Variants in ETV1 observed in about 807,000 individuals in gnomAD.
ETV1 encodes ETS translocation variant 1.
ETV1 carries 27 observed loss-of-function variants against 62.3 expected under a neutral mutation model. The ratio of observed to expected loss-of-function variants is 0.43; its 90% CI spans 0.32 to 0.60. The LOEUF (loss-of-function observed/expected upper bound fraction) is 0.60, where lower values mean the gene tolerates loss of function less well. Among genes scored for constraint, ETV1 ranks in the 20% least tolerant of loss-of-function variants. The pLI, the probability that ETV1 is intolerant of heterozygous loss-of-function variation, is 0.06. For synonymous variants in ETV1, 222 were observed against 199.6 expected (o/e 1.11, Z -0.94); for missense variants, 605 against 605.8 (o/e 1.00, Z 0.01).
chr7:13,933,982 C>T (rs1243890755), intron 8 of ETV1, among the ~76,000 whole-genome samples: 2 of 152,202 alleles, frequency 1.3e-5, no homozygotes, highest in African/African-American at 4.8e-5. Context: ...GCGAATTATA[C>T]AATCTATAAT....
intron 6 of ETV1, among the ~76,000 whole-genome samples, chr7:13,951,628 G>T (rs1788825913): frequency 6.6e-6 from 1 of 152,198 alleles, no homozygotes; most frequent in African/African-American, 2.4e-5. Flanking sequence ...CGAACATGGA[G>T]ACTAAATCTT....
intron 6 of ETV1, among the ~76,000 whole-genome samples, chr7:13,968,520 A>T (rs1780538659): frequency 6.6e-6 from 1 of 151,108 alleles, no homozygotes; most frequent in Admixed American, 6.6e-5. Context: ...GAATATAAGT[A>T]TTGGCTGCAC....
chr7:13,912,776 A>G (rs1783691270), intron 9 of ETV1, among the ~76,000 whole-genome samples: 1 of 152,194 alleles, frequency 6.6e-6, no homozygotes, highest in Admixed American at 6.5e-5. Flanking sequence ...GAAGCCTGAA[A>G]AAATATGGCT....
At chr7:13,956,332 T>A (rs1481471502) in intron 6 of ETV1, among the ~76,000 whole-genome samples, 1 of 152,046 alleles carries the variant, frequency 6.6e-6, no homozygotes, top group East Asian at 1.9e-4. Flanking sequence ...TTTTTTTTTT[T>A]ATCGGCTCTA....
upstream of ETV1, among the ~76,000 whole-genome samples, chr7:13,990,133 T>A (rs1180840195): frequency 1.3e-5 from 2 of 152,152 alleles, no homozygotes; most frequent in Admixed American, 1.3e-4. Context: ...TTGCCCTGAC[T>A]AGGAGCTCAC....
intron 3 of ETV1, chr7:13,988,717 A>C (rs1295108775): frequency 2.5e-6 from 4 of 1,612,684 alleles, no homozygotes; most frequent in Non-Finnish European, 3.4e-6. Context: ...CCCAGCCAAA[A>C]ACTTTGAGTG....
rs1051339943 is a variant in ETV1, at chr7:13,989,375, G to A, written c.-195C>T. On this transcript the variant is annotated 5_prime_UTR_variant, in exon 2 of 14. Coordinates refer to ENST00000430479, the MANE Select transcript of ETV1 (RefSeq NM_004956.5). ...ATTTACACTCTCGATGTTTCCCTGC[G>A]CGGTCGGTGTACCCCGGGCAGCTCT... 1 of 484,476 alleles carries A rather than the reference G, an allele frequency of 2.1e-6. No individual in the cohort carries two copies. The highest frequency in any genetic ancestry group is 3.6e-6 in the Non-Finnish European group (1 of 277,122). The allele number at this position is 484,476 out of a possible 1,614,324, so 30.0% of individuals were successfully genotyped here.
chr7:13,917,065 T>C (rs975228681), intron 9 of ETV1, among the ~76,000 whole-genome samples: 3 of 152,014 alleles, frequency 2.0e-5, no homozygotes, highest in East Asian at 1.9e-4. Flanking sequence ...AATAACAGTA[T>C]AGAATTTTAT....
At chr7:13,920,737 C>T (rs1261481399) in intron 9 of ETV1, among the ~76,000 whole-genome samples, 6 of 152,062 alleles carry the variant, frequency 3.9e-5, no homozygotes, top group Non-Finnish European at 8.8e-5. Context: ...CTTACTGTAA[C>T]TGTAGATTTA....
intron 9 of ETV1, among the ~76,000 whole-genome samples, chr7:13,930,886 T>C (rs944641934): frequency 2.6e-5 from 4 of 151,404 alleles, no homozygotes; most frequent in Middle Eastern, 3.2e-3. Context: ...CTGCAACCTC[T>C]GCCTCCCGGG....
intron 6 of ETV1, among the ~76,000 whole-genome samples, chr7:13,963,520 A>G (rs1353921177): frequency 7.0e-6 from 1 of 143,004 alleles, no homozygotes; most frequent in Non-Finnish European, 1.5e-5. Context: ...ACATTTTAAT[A>G]CCAATCTTGG....
At chr7:13,988,399 G>T in intron 3 of ETV1, 1 of 579,806 alleles carries the variant, frequency 1.7e-6, no homozygotes, top group South Asian at 2.3e-5. Flanking sequence ...TCCCAGTGCC[G>T]ATCTTAGCAC....
At chr7:13,896,747 A>AGAAAGAAAGAAAG (rs1367051398) in intron 13 of ETV1, among the ~76,000 whole-genome samples, 1 of 134,666 alleles carries the variant, frequency 7.4e-6, no homozygotes, top group South Asian at 2.3e-4. Flanking sequence ...AAGAAAGGAA[A>AGAAAGAAAGAAAG]GAAAGAAAGA....
intron 8 of ETV1, among the ~76,000 whole-genome samples, chr7:13,932,573 G>T (rs142853373): frequency 3.9e-5 from 6 of 152,154 alleles, no homozygotes; most frequent in Non-Finnish European, 8.8e-5. Flanking sequence ...TCAGCAGAAG[G>T]CTAGAAATGA....
In ETV1 at chr7:13,894,702, A is replaced by T. The variant is rs1781620155; in HGVS notation, c.*1164T>A. Reference sequence around the variant, plus strand: ...CTATCTGTAGTTAACTGCACTGCTTATAAATGGTCATAGTAAATTCAGCAT... The same window carrying T: ...CTATCTGTAGTTAACTGCACTGCTTTTAAATGGTCATAGTAAATTCAGCAT... On this transcript the variant is annotated 3_prime_UTR_variant, in exon 14 of 14. Coordinates refer to ENST00000430479, the MANE Select transcript of ETV1 (RefSeq NM_004956.5). 4 of 232,574 alleles carry T rather than the reference A, an allele frequency of 1.7e-5. No individual in the cohort carries two copies. Among genetic ancestry groups the T allele is most frequent in the Admixed American group, 5.6e-5 (1 of 17,774 alleles). The allele number at this position is 232,574 out of a possible 1,614,324, so 14.4% of individuals were successfully genotyped here.
chr7:13,981,997 A>G (rs1396828122), intron 5 of ETV1, among the ~76,000 whole-genome samples: 1 of 152,142 alleles, frequency 6.6e-6, no homozygotes, highest in Non-Finnish European at 1.5e-5. Flanking sequence ...AAAAGCATTA[A>G]TTATGCAGAA....
chr7:13,986,698 T>C lies in ETV1; in HGVS notation c.134-13A>G. On this transcript the variant is annotated splice_polypyrimidine_tract_variant and intron_variant, in intron 4 of 13. Coordinates refer to ENST00000430479, the MANE Select transcript of ETV1 (RefSeq NM_004956.5). Reference sequence around the variant, plus strand: ...TCTTGAAAGAGTTCTAAAAAACAAGTCAAAGACATAAACATAAGATTTGCA... The same window carrying C: ...TCTTGAAAGAGTTCTAAAAAACAAGCCAAAGACATAAACATAAGATTTGCA... 6.3e-7 allele frequency: 1 copy of C among 1,598,022 alleles called. No homozygotes were observed. The highest frequency in any genetic ancestry group is 2.2e-5 in the East Asian group (1 of 44,644).
intron 5 of ETV1, chr7:13,985,488 AT>A (rs1375327831): frequency 6.6e-6 from 1 of 152,218 alleles, no homozygotes; most frequent in Admixed American, 6.5e-5. Flanking sequence ...CTTATTTTAC[AT>A]GCTAACAGCA....
intron 9 of ETV1, among the ~76,000 whole-genome samples, chr7:13,916,197 A>T (rs547198074): frequency 2.6e-5 from 4 of 152,330 alleles, no homozygotes; most frequent in Non-Finnish European, 5.9e-5. Context: ...TGTGAATATA[A>T]ATAATGTAAA....
Sources: gnomAD v4.1 joint callset for allele counts (sites outside exome capture counted in the v4.1 genomes callset) on GRCh38, gnomAD v4.1.1 for gene constraint, MANE v1.5 for transcripts, NCBI Gene and HGNC (gene_info 2026-07-23, HGNC 2026-07-21) for gene names.